The following ATP1B3 variants were observed in gnomAD, a reference collection of about 807,000 sequenced individuals.
ATP1B3 encodes sodium/potassium-transporting ATPase subunit beta-3.
In ATP1B3, 10 loss-of-function variants were observed where a neutral mutation model predicts 30.2. The observed-to-expected ratio is 0.33, with a 90% CI of 0.20 to 0.56. The LOEUF (loss-of-function observed/expected upper bound fraction) is 0.56, where lower values mean the gene tolerates loss of function less well. Ranked by LOEUF, ATP1B3 falls within the 20% of genes least tolerant of loss-of-function variation. The probability of loss-of-function intolerance (pLI) is 0.90; values close to 1 mark genes in which losing one functional copy is unlikely to be tolerated. For synonymous variants in ATP1B3, 113 were observed against 117.0 expected (o/e 0.97, Z 0.22); for missense variants, 238 against 336.7 (o/e 0.71, Z 2.29).
At chr3:141,878,992 G>A (rs1933661955) in intron 1 of ATP1B3, among the ~76,000 whole-genome samples, 1 of 152,166 alleles carries the variant, frequency 6.6e-6, no homozygotes, top group Non-Finnish European at 1.5e-5. Context: ...GCAAAGGCAG[G>A]ATCAGTTTGG....
At chr3:141,881,896 A>AG (rs914891638) in intron 1 of ATP1B3, among the ~76,000 whole-genome samples, 2 of 152,174 alleles carry the variant, frequency 1.3e-5, no homozygotes, top group African/African-American at 4.8e-5. Flanking sequence ...ATTATCTAGC[A>AG]GGAGAAAGTA....
intron 1 of ATP1B3, among the ~76,000 whole-genome samples, chr3:141,886,601 C>T (rs1206663434): frequency 6.6e-6 from 1 of 152,176 alleles, no homozygotes; most frequent in East Asian, 1.9e-4. Flanking sequence ...CACCAGTATA[C>T]TGAGAAGATG....
chr3:141,897,706 T>A (rs13069329), intron 1 of ATP1B3, among the ~76,000 whole-genome samples: 21,094 of 152,160 alleles, frequency 0.14, 1,706 homozygotes, highest in East Asian at 0.39. Flanking sequence ...CGGGTTTTTG[T>A]TTTTGTTTTT....
chr3:141,897,733 A>G (rs1189912948), intron 1 of ATP1B3, among the ~76,000 whole-genome samples: 1 of 152,172 alleles, frequency 6.6e-6, no homozygotes. Flanking sequence ...ATTTTGAGAC[A>G]GAGTCTCACT....
At chr3:141,924,825 T>C (rs1382707714) in intron 6 of ATP1B3, among the ~76,000 whole-genome samples, 1 of 151,488 alleles carries the variant, frequency 6.6e-6, no homozygotes, top group African/African-American at 2.4e-5. Flanking sequence ...TGGTAGCGGG[T>C]GCCTGTAATC....
chr3:141,916,097 TC>T, intron 5 of ATP1B3, 77 bp downstream of exon 5: 57 of 1,314,980 alleles, frequency 4.3e-5, no homozygotes, highest in Middle Eastern at 2.4e-4. Flanking sequence ...GATTTAGTCA[TC>T]TTTTTTTTCT....
intron 6 of ATP1B3, 37 bp downstream of exon 6, chr3:141,922,100 T>C: frequency 7.7e-7 from 1 of 1,291,638 alleles, no homozygotes; most frequent in East Asian, 2.5e-5. Context: ...TGATTACTCT[T>C]TTGGGAAGCT....
chr3:141,877,679 C>T (rs534690086), intron 1 of ATP1B3: 9 of 147,686 alleles, frequency 6.1e-5, no homozygotes, highest in Non-Finnish European at 1.3e-4. Flanking sequence ...TTTCCCGTGT[C>T]TTCAAAACAG....
intron 1 of ATP1B3, among the ~76,000 whole-genome samples, chr3:141,887,439 C>G (rs1473336154): frequency 1.3e-5 from 2 of 152,116 alleles, no homozygotes; most frequent in Non-Finnish European, 2.9e-5. Flanking sequence ...CTGGGTAACC[C>G]CCGTTAAGTG....
At chr3:141,914,141 TCCTTGTCATAACCAAAG>T (rs1290654819) in intron 4 of ATP1B3, among the ~76,000 whole-genome samples, 1 of 152,244 alleles carries the variant, frequency 6.6e-6, no homozygotes, top group Non-Finnish European at 1.5e-5. Flanking sequence ...GCAAATGTTC[TCCTTGTCATAACCAAAG>T]CAGAGACTTG....
At chr3:141,887,925 A>G (rs998931106) in intron 1 of ATP1B3, among the ~76,000 whole-genome samples, 7 of 152,248 alleles carry the variant, frequency 4.6e-5, no homozygotes, top group African/African-American at 1.7e-4. Flanking sequence ...ATGACTAGGA[A>G]GGGACGTGAC....
At chr3:141,892,572 T>C (rs79601671) in intron 1 of ATP1B3, among the ~76,000 whole-genome samples, 16,304 of 146,926 alleles carry the variant, frequency 0.11, 1,078 homozygotes, top group Middle Eastern at 0.17. Flanking sequence ...GCACAAATAT[T>C]GCTTGAACTG....
In ATP1B3 at chr3:141,889,756, T is replaced by TATATACACACAC. The variant is rs1201511323; in HGVS notation, c.109+12847_109+12848insTATACACACACA. On this transcript the variant is annotated intron_variant, in intron 1 of 6. Transcript: ENST00000286371. ...AAAAAAAAAAAAAAAAAAAAATATA[T>TATATACACACAC]ACACACACACACACACACACACACA... Among the ~76,000 whole-genome samples the TATATACACACAC allele has an allele frequency of 1.2e-4, 10 of 84,042 alleles. No individual in the cohort carries two copies. In the East Asian group the frequency reaches 3.5e-3, roughly 30 times the overall value. The allele number at this position is 84,042 out of a possible 152,430, so 55.1% of individuals were successfully genotyped here.
intron 1 of ATP1B3, among the ~76,000 whole-genome samples, chr3:141,883,408 T>C (rs1018919037): frequency 3.3e-5 from 5 of 152,138 alleles, no homozygotes; most frequent in Admixed American, 1.3e-4. Flanking sequence ...GTTGCAACTA[T>C]TCGGGAGGCT....
intron 1 of ATP1B3, among the ~76,000 whole-genome samples, chr3:141,894,599 C>T (rs1934024660): frequency 6.6e-6 from 1 of 152,104 alleles, no homozygotes; most frequent in East Asian, 1.9e-4. Context: ...TTGTTAAAAA[C>T]TAAGACACAA....
chr3:141,886,929 G>A (rs1434373531), intron 1 of ATP1B3, among the ~76,000 whole-genome samples: 1 of 152,144 alleles, frequency 6.6e-6, no homozygotes, highest in African/African-American at 2.4e-5. Flanking sequence ...CTTGAGCCTG[G>A]GAGGTCAAGG....
chr3:141,901,765 C>G (rs1228126640), intron 1 of ATP1B3, among the ~76,000 whole-genome samples: 1 of 152,054 alleles, frequency 6.6e-6, no homozygotes, highest in African/African-American at 2.4e-5. Flanking sequence ...TCAAAATGTT[C>G]AAAACAGTAT....
Position 141,876,735 on chromosome 3 carries a change from C to T in ATP1B3, c.-67C>T, listed in dbSNP as rs1029098021. 1.9e-5 allele frequency: 25 copies of T among 1,293,300 alleles called. No individual in the cohort carries two copies. In the African/African-American group the frequency reaches 2.8e-4, roughly 14 times the overall value. The allele number at this position is 1,293,300 out of a possible 1,614,324, so 80.1% of individuals were successfully genotyped here. On this transcript the variant is annotated 5_prime_UTR_variant, in exon 1 of 7. Transcript: ENST00000286371. Reference sequence around the variant, plus strand: ...GGGCTGCGCCGCCGGAGCCGGGACGCGCCTCCGCAGCCCTCGCCGCCTCCA... The same window carrying T: ...GGGCTGCGCCGCCGGAGCCGGGACGTGCCTCCGCAGCCCTCGCCGCCTCCA...
intron 1 of ATP1B3, among the ~76,000 whole-genome samples, chr3:141,889,728 C>CAAA (rs1168549266): frequency 0.015 from 751 of 48,468 alleles, 70 homozygotes; most frequent in African/African-American, 0.053. Context: ...GACTCCGTCT[C>CAAA]AAAAAAAAAA....
Sources: allele counts gnomAD v4.1 joint callset (sites outside exome capture counted in the v4.1 genomes callset), GRCh38; gene constraint gnomAD v4.1.1; transcripts MANE v1.5; gene names NCBI Gene and HGNC (gene_info 2026-07-23, HGNC 2026-07-21).